PTPRD: variants seen among roughly 807,000 people sequenced by gnomAD.
The protein encoded by PTPRD is receptor-type tyrosine-protein phosphatase delta.
A neutral mutation model predicts 214.5 loss-of-function variants in PTPRD; 34 were observed. The ratio of observed to expected loss-of-function variants is 0.16; its 90% confidence interval spans 0.12 to 0.21. The LOEUF (loss-of-function observed/expected upper bound fraction) is 0.21. Among genes scored for constraint, PTPRD ranks in the 10% least tolerant of loss-of-function variants. The pLI, the probability that PTPRD is intolerant of heterozygous loss-of-function variation, is 1.00. For missense variants in PTPRD, 2,545 were observed against 2,398.7 expected (o/e 1.06, Z -1.27); for synonymous variants, 1,128 against 845.7 (o/e 1.33, Z -5.79).
At chr9:8,684,182 T>G (rs1596917282) in intron 12 of PTPRD, among the ~76,000 whole-genome samples, 1 of 152,208 alleles carries the variant, frequency 6.6e-6, no homozygotes, top group Non-Finnish European at 1.5e-5. Flanking sequence ...CAACGTTTTG[T>G]GTCATGTATT....
At chr9:9,339,950 C>G (rs1188995422) in intron 9 of PTPRD, among the ~76,000 whole-genome samples, 1 of 152,030 alleles carries the variant, frequency 6.6e-6, no homozygotes, top group Non-Finnish European at 1.5e-5. Flanking sequence ...ATTTTGGAAG[C>G]CTTTTATCAT....
chr9:8,999,144 G>C (rs2099408127), intron 11 of PTPRD, among the ~76,000 whole-genome samples: 1 of 152,042 alleles, frequency 6.6e-6, no homozygotes, highest in South Asian at 2.1e-4. Flanking sequence ...GTAAAGCAGT[G>C]GCAGGATTTA....
intron 9 of PTPRD, among the ~76,000 whole-genome samples, chr9:9,260,289 A>C (rs1249103974): frequency 6.6e-6 from 1 of 151,852 alleles, no homozygotes; most frequent in Non-Finnish European, 1.5e-5. Flanking sequence ...AGACCATCAG[A>C]GTGAGGCACA....
At chr9:9,774,686 A>G (rs535129914) in intron 5 of PTPRD, among the ~76,000 whole-genome samples, 27 of 152,310 alleles carry the variant, frequency 1.8e-4, no homozygotes, top group Admixed American at 5.9e-4. Context: ...TTTAAATGTG[A>G]TGTAGGCATT....
At chr9:9,851,684 G>A (rs2060576229) in intron 5 of PTPRD, among the ~76,000 whole-genome samples, 1 of 152,282 alleles carries the variant, frequency 6.6e-6, no homozygotes, top group Admixed American at 6.5e-5. Context: ...GGAAGCTGAG[G>A]CAGAAGGATC....
At chr9:10,563,445 T>G (rs901115656) in intron 2 of PTPRD, among the ~76,000 whole-genome samples, 13 of 152,204 alleles carry the variant, frequency 8.5e-5, no homozygotes, top group African/African-American at 2.9e-4. Context: ...GTCCTAAGAC[T>G]CAAATCATAT....
intron 8 of PTPRD, among the ~76,000 whole-genome samples, chr9:9,491,121 T>C (rs1589756708): frequency 6.6e-6 from 1 of 151,850 alleles, no homozygotes; most frequent in East Asian, 1.9e-4. Flanking sequence ...TTCATGCAAA[T>C]AGTAAGCAAA....
Position 8,341,445 on chromosome 9 carries a change from T to C in PTPRD, c.4948-177A>G, listed in dbSNP as rs3736381. 0.54 allele frequency among the ~76,000 whole-genome samples: 82,252 copies of C among 151,878 alleles called. 26,505 individuals are homozygous for C. The highest frequency in any genetic ancestry group is 0.73 in the Non-Finnish European group (49,463 of 67,930). On this transcript the variant is annotated intron_variant, in intron 40 of 45. Coordinates refer to ENST00000381196, the MANE Select transcript of PTPRD (RefSeq NM_002839.4). ...CTACCTAATCACTCTCTATAGCCTATTGGATTTCTATATATTTTCTGAAAG... is the reference window on the plus strand; with the variant it reads ...CTACCTAATCACTCTCTATAGCCTACTGGATTTCTATATATTTTCTGAAAG...
At chr9:10,208,454 C>A (rs534040641) in intron 3 of PTPRD, among the ~76,000 whole-genome samples, 13 of 152,204 alleles carry the variant, frequency 8.5e-5, no homozygotes, top group African/African-American at 2.9e-4. Flanking sequence ...GCGGAGCTTG[C>A]AGTGAACGGA....
rs114673137 is a variant in PTPRD, at chr9:9,754,901, T to C, written c.-326+11909A>G. On this transcript the variant is annotated intron_variant, in intron 6 of 45. Coordinates refer to ENST00000381196, the MANE Select transcript of PTPRD (RefSeq NM_002839.4). The stretch of plus-strand genomic sequence containing the variant: ...TACCAATGCTTTTAGAAGAAAATGA[T>C]GGAGGAAATTATTTTTTTTAATCAC... 5.2e-3 allele frequency among the ~76,000 whole-genome samples: 786 copies of C among 152,042 alleles called. 10 individuals carry two copies. Among genetic ancestry groups the C allele is most frequent in the African/African-American group, 0.017 (718 of 41,520 alleles).
intron 11 of PTPRD, among the ~76,000 whole-genome samples, chr9:8,780,027 A>C (rs1227373724): frequency 1.3e-5 from 2 of 152,094 alleles, no homozygotes; most frequent in Non-Finnish European, 2.9e-5. Flanking sequence ...GGAAAAGTTA[A>C]AGTGTCAAAC....
chr9:8,500,723 G>T (rs751651710), intron 24 of PTPRD, 31 bp downstream of exon 24: 8 of 1,606,816 alleles, frequency 5.0e-6, no homozygotes, highest in Non-Finnish European at 6.0e-6. Flanking sequence ...GTGTCAGAAG[G>T]GTGCAAACTG....
At chr9:9,368,747 G>C (rs983589492) in intron 9 of PTPRD, among the ~76,000 whole-genome samples, 1 of 151,720 alleles carries the variant, frequency 6.6e-6, no homozygotes. Context: ...TGCTGCAATG[G>C]ATATCTTTTT....
chr9:9,356,880 A>G (rs560305662), intron 9 of PTPRD, among the ~76,000 whole-genome samples: 91 of 151,572 alleles, frequency 6.0e-4, no homozygotes, highest in African/African-American at 2.1e-3. Context: ...GAGATAAGAT[A>G]TAAAGCTGGC....
intron 11 of PTPRD, among the ~76,000 whole-genome samples, chr9:8,943,667 C>G (rs1039884933): frequency 6.7e-6 from 1 of 148,766 alleles, no homozygotes; most frequent in African/African-American, 2.5e-5. Flanking sequence ...AGATTATTTC[C>G]CAGAATAAAT....
chr9:9,076,327 C>T (rs1007651725), intron 10 of PTPRD, among the ~76,000 whole-genome samples: 4 of 152,038 alleles, frequency 2.6e-5, no homozygotes, highest in African/African-American at 9.7e-5. Flanking sequence ...AAAATTTTCC[C>T]CCGTTCTGTA....
intron 3 of PTPRD, among the ~76,000 whole-genome samples, chr9:10,237,131 C>T (rs183630270): frequency 1.2e-3 from 185 of 151,684 alleles, no homozygotes; most frequent in Non-Finnish European, 9.3e-4. Flanking sequence ...ACAAATATGC[C>T]GCTCTGGTGG....
At chr9:9,879,011 A>C (rs557765446) in intron 5 of PTPRD, among the ~76,000 whole-genome samples, 2 of 152,292 alleles carry the variant, frequency 1.3e-5, no homozygotes, top group East Asian at 1.9e-4. Flanking sequence ...TGTGCCCTCA[A>C]AATAGATTAT....
chr9:8,440,078 G>C (rs998169361), intron 34 of PTPRD, among the ~76,000 whole-genome samples: 1 of 150,282 alleles, frequency 6.7e-6, no homozygotes, highest in East Asian at 2.0e-4. Flanking sequence ...TCATGATGGG[G>C]GGCCTATAAC....
Sources: allele counts gnomAD v4.1 joint callset (sites outside exome capture counted in the v4.1 genomes callset), GRCh38; gene constraint gnomAD v4.1.1; transcripts MANE v1.5; gene names NCBI Gene and HGNC (gene_info 2026-07-23, HGNC 2026-07-21).